CHRNE: variants seen among roughly 807,000 people sequenced by gnomAD.
CHRNE encodes the protein cholinergic receptor nicotinic epsilon subunit, also known as acetylcholine receptor subunit epsilon.
A neutral mutation model predicts 56.5 loss-of-function variants in CHRNE; 58 were observed. That is an observed-to-expected ratio of 1.03 (90% CI 0.83 to 1.28). The LOEUF is 1.28. CHRNE is among the 50% of genes most tolerant of loss of function. The pLI, the probability that CHRNE is intolerant of heterozygous loss-of-function variation, is 0.00. For missense variants in CHRNE, 793 were observed against 688.9 expected (o/e 1.15, Z -1.69); for synonymous variants, 385 against 297.9 (o/e 1.29, Z -3.01).
chr17:4,899,397 C>A lies in CHRNE; in HGVS notation c.1033-13G>T. 6.5e-7 allele frequency: 1 copy of A among 1,534,940 alleles called. No homozygotes were observed. ...GCTCCAGGAGAACCTGGGGCAGGGG[C>A]GGGGCTTAGGGGACGAGGTTAGTAC... On this transcript the variant is annotated splice_polypyrimidine_tract_variant and intron_variant, in intron 9 of 11. Transcript: ENST00000649488.
chr17:4,902,918 C>T lies in CHRNE; in HGVS notation c.46+100G>A. 3 of 1,585,940 alleles carry T rather than the reference C, an allele frequency of 1.9e-6. No homozygotes were observed. Among genetic ancestry groups the T allele is most frequent in the South Asian group, 2.2e-5 (2 of 90,436 alleles). On this transcript the variant is annotated intron_variant, in intron 1 of 11. Transcript: ENST00000649488. The surrounding 1 kb of genome is among the most constrained non-coding windows in gnomAD (Gnocchi z 4.0). The stretch of plus-strand genomic sequence containing the variant: ...TTATGCTGTGCCTGGGAACGAAATA[C>T]TGTGTCTAAGTCTCCATCTTGGTCT...
At chr17:4,900,592 C>G in intron 8 of CHRNE, 3 of 1,541,616 alleles carry the variant, frequency 1.9e-6, no homozygotes, top group South Asian at 2.4e-5. Context: ...AAGAGAGCTA[C>G]TCGGGAGACC....
chr17:4,905,296 CCTAA>C (rs1970077278), upstream of CHRNE, among the ~76,000 whole-genome samples: 2 of 152,156 alleles, frequency 1.3e-5, no homozygotes, highest in Admixed American at 1.3e-4. Flanking sequence ...TGCCTGTAAT[CCTAA>C]CTATTTGGGA....
rs1969805202 is a variant in CHRNE at position 4,898,533 on chromosome 17, T to C, written c.*203A>G. On this transcript the variant is annotated 3_prime_UTR_variant, in exon 12 of 12. Transcript: ENST00000649488. The stretch of plus-strand genomic sequence containing the variant: ...TGGAAGACTGGCACCTGAGAGCCTA[T>C]GTGAACCCTTTCCTCCTGCTGACCC... The C allele has an allele frequency of 6.0e-6, 4 of 661,802 alleles. No individual in the cohort carries two copies. The highest frequency in any genetic ancestry group is 1.0e-5 in the Non-Finnish European group (4 of 383,192). 41.0% of individuals were successfully genotyped at this position (661,802 alleles called of 1,614,324 possible).
At chr17:4,900,173 C>A (rs922816336) in intron 8 of CHRNE, 1 of 1,545,272 alleles carries the variant, frequency 6.5e-7, no homozygotes, top group South Asian at 1.2e-5. Flanking sequence ...TTAGGATACG[C>A]GGCGATCGGG....
upstream of CHRNE, among the ~76,000 whole-genome samples, chr17:4,903,783 T>C (rs1184605349): frequency 6.6e-6 from 1 of 152,136 alleles, no homozygotes; most frequent in Non-Finnish European, 1.5e-5. Context: ...CTTCCCATCC[T>C]ACTCTCCTAA....
intron 5 of CHRNE, 143 bp from the exon 6 acceptor site, chr17:4,901,768 C>T (rs1339039900): frequency 3.4e-5 from 43 of 1,259,442 alleles, no homozygotes; most frequent in Non-Finnish European, 4.8e-5. Flanking sequence ...GCCTCTGTTC[C>T]CATCTGTACC....
In CHRNE at chr17:4,900,854, A is replaced by G; in HGVS notation, c.856T>C (p.Phe286Leu). The change falls in exon 8 of 12, where the codon TTC (phenylalanine) becomes CTC (leucine). Residue 286 changes from phenylalanine (F) to leucine (L), a missense_variant. Transcript: ENST00000649488. Reference sequence around the variant, plus strand: ...ATTTTCTGGGCAATGAGGAACAAGAAGACGGTCTGGGCGAGCAGGACGTTG... The same window carrying G: ...ATTTTCTGGGCAATGAGGAACAAGAGGACGGTCTGGGCGAGCAGGACGTTG... Reference protein sequence around the residue: ...SINVLLAQTVFLFLIAQKIPE... With the variant: ...SINVLLAQTVLLFLIAQKIPE... 1.9e-6 allele frequency: 3 copies of G among 1,614,192 alleles called. No individual in the cohort carries two copies. Among genetic ancestry groups the G allele is most frequent in the Non-Finnish European group, 2.5e-6 (3 of 1,179,996 alleles).
chr17:4,904,041 T>A (rs1970056480), upstream of CHRNE, among the ~76,000 whole-genome samples: 1 of 151,998 alleles, frequency 6.6e-6, no homozygotes, highest in Non-Finnish European at 1.5e-5. Context: ...TATTTTTTAG[T>A]AGAGATGGGG....
In CHRNE at chr17:4,902,036, C is replaced by T. The variant is rs1970008039; in HGVS notation, c.396G>A (p.Glu132=). ...GAGGCAGCCACGTCACGGAGCCGCC[C>T]TCGTAGACGAGCACGTTGGCGTCGT... ...VAYDANVLVY[E]GGSVTWLPPA... The change falls in exon 5 of 12, where the codon GAG becomes GAA. Residue 132 remains glutamate, a synonymous_variant. Coordinates refer to ENST00000649488, the MANE Select transcript of CHRNE (RefSeq NM_000080.4). This position sits in a 1 kb window ranked among gnomAD's most constrained non-coding sequence, Gnocchi z 4.0. 7 of 1,614,122 alleles carry T rather than the reference C, an allele frequency of 4.3e-6. No individual in the cohort carries two copies. Among genetic ancestry groups the T allele is most frequent in the Non-Finnish European group, 5.9e-6 (7 of 1,180,046 alleles).
upstream of CHRNE, chr17:4,903,133 G>A (rs2302315): frequency 0.09 from 135,677 of 1,511,588 alleles, 6,380 homozygotes; most frequent in African/African-American, 0.12. Flanking sequence ...GGGTGCCTGT[G>A]TGAGGGGGAG....
At chr17:4,901,419 T>C (rs1431319249) in intron 6 of CHRNE, 106 bp downstream of exon 6, 1 of 1,100,580 alleles carries the variant, frequency 9.1e-7, no homozygotes, top group East Asian at 2.4e-5. Context: ...AACCCAGTTG[T>C]GGAAGTCATC....
At position 4,901,891 on chromosome 17, in the gene CHRNE, C is replaced by G. The variant is rs59963145; in HGVS notation, c.500+41G>C. The G allele has an allele frequency of 2.7e-4, 432 of 1,606,306 alleles. 6 individuals are homozygous for G. Among genetic ancestry groups the G allele is most frequent in the South Asian group, 8.8e-4 (80 of 90,824 alleles). On this transcript the variant is annotated intron_variant, in intron 5 of 11. Transcript: ENST00000649488. ...TTGGCCCCGCCCCATAAGGCCCCCC[C>G]CCAACAATAATCGTCCGGGCCTCGG...
chr17:4,900,564 T>G, intron 8 of CHRNE: 1 of 1,549,868 alleles, frequency 6.5e-7, no homozygotes, highest in Non-Finnish European at 8.7e-7. Context: ...AGGGAGGCAC[T>G]GAGCCGGACT....
chr17:4,908,329 G>C (rs893221685), intron 1 of CHRNE, among the ~76,000 whole-genome samples: 1 of 152,222 alleles, frequency 6.6e-6, no homozygotes, highest in Non-Finnish European at 1.5e-5. Context: ...CTGAGAGCCA[G>C]GGGCTGGAGC....
intron 8 of CHRNE, 164 bp from the exon 9 acceptor site, chr17:4,899,746 T>C: frequency 6.4e-7 from 1 of 1,550,622 alleles, no homozygotes; most frequent in Non-Finnish European, 8.7e-7. Context: ...TCTCCTGTCC[T>C]ACCACTTGTG....
upstream of CHRNE, among the ~76,000 whole-genome samples, chr17:4,904,118 A>C (rs1970057385): frequency 6.6e-6 from 1 of 152,132 alleles, no homozygotes. Context: ...GGGCCTCCCA[A>C]AGTGCTGGGA....
chr17:4,908,157 G>C (rs1567642050), intron 1 of CHRNE, among the ~76,000 whole-genome samples: 1 of 152,158 alleles, frequency 6.6e-6, no homozygotes, highest in Non-Finnish European at 1.5e-5. Flanking sequence ...GTGACAGAGT[G>C]AGACTCTGTC....
Position 4,902,360 on chromosome 17 carries a change from G to A in CHRNE, c.235-34C>T, listed in dbSNP as rs1372626631. 1 of 1,612,630 alleles carries A rather than the reference G, an allele frequency of 6.2e-7. No homozygotes were observed. Among genetic ancestry groups the A allele is most frequent in the Admixed American group, 1.7e-5 (1 of 60,034 alleles). On this transcript the variant is annotated intron_variant, in intron 3 of 11. Coordinates refer to ENST00000649488, the MANE Select transcript of CHRNE (RefSeq NM_000080.4). This position sits in a 1 kb window ranked among gnomAD's most constrained non-coding sequence, Gnocchi z 4.0. ...TGGGGGATGGAAGGCCGCGTGCCCT[G>A]CATCTCCCACCTGGCGCTGCCTGGG... is the stretch of plus-strand genomic sequence containing the variant.
Sources: allele counts gnomAD v4.1 joint callset (sites outside exome capture counted in the v4.1 genomes callset), GRCh38; gene constraint gnomAD v4.1.1; non-coding constraint Gnocchi (gnomAD v3.1); transcripts MANE v1.5; gene names NCBI Gene and HGNC (gene_info 2026-07-23, HGNC 2026-07-21).